ESYT2: variants seen among roughly 807,000 people sequenced by gnomAD.
ESYT2 encodes extended synaptotagmin-2.
In ESYT2, 54 loss-of-function variants were observed where a neutral mutation model predicts 107.2. The ratio of observed to expected loss-of-function variants is 0.50; its 90% CI spans 0.40 to 0.63. The LOEUF (loss-of-function observed/expected upper bound fraction) is 0.63, where lower values mean the gene tolerates loss of function less well. Among genes scored for constraint, ESYT2 ranks in the 30% least tolerant of loss-of-function variants. The pLI, the probability that ESYT2 is intolerant of heterozygous loss-of-function variation, is 0.00. For synonymous variants in ESYT2, 491 were observed against 434.1 expected (o/e 1.13, Z -1.63); for missense variants, 1,020 against 1,094.5 (o/e 0.93, Z 0.96).
At chr7:158,758,988 G>C (rs994486959) in intron 13 of ESYT2, among the ~76,000 whole-genome samples, 7 of 152,290 alleles carry the variant, frequency 4.6e-5, no homozygotes, top group African/African-American at 1.7e-4. Context: ...GCTTCCTTTT[G>C]TTCTGCGAGA....
Position 158,803,104 on chromosome 7 carries a change from A to G in ESYT2, c.331-4032T>C, listed in dbSNP as rs545454870. Among the ~76,000 whole-genome samples, 6 of 149,290 alleles carry G rather than the reference A, an allele frequency of 4.0e-5. No homozygotes were observed. The South Asian group carries it at 1.3e-3, about 32-fold the overall frequency. On this transcript the variant is annotated intron_variant, in intron 1 of 22. Coordinates refer to ENST00000275418, the MANE Select transcript of ESYT2 (RefSeq NM_001367773.1). ...AAGAAGGAATCTGAGTCCCTGGCAC[A>G]GCAATCGAGAGTGTGCCCTGGGGCA...
chr7:158,744,367 GTC>G (rs1241622445), intron 16 of ESYT2: 3 of 152,164 alleles, frequency 2.0e-5, no homozygotes, highest in African/African-American at 7.2e-5. Flanking sequence ...ATAGGCAATA[GTC>G]TACCTGTCTT....
intron 6 of ESYT2, among the ~76,000 whole-genome samples, chr7:158,781,647 G>A (rs1034046788): frequency 1.3e-5 from 2 of 150,640 alleles, no homozygotes; most frequent in African/African-American, 2.4e-5. Context: ...TGAGGTGTGT[G>A]AAAGAACAAG....
intron 1 of ESYT2, among the ~76,000 whole-genome samples, chr7:158,800,029 A>G (rs953872720): frequency 6.7e-6 from 1 of 150,120 alleles, no homozygotes; most frequent in Non-Finnish European, 1.5e-5. Context: ...TGCGTATGAT[A>G]TTTTTAAGAC....
intron 3 of ESYT2, among the ~76,000 whole-genome samples, chr7:158,793,977 A>C (rs1333976137): frequency 6.6e-6 from 1 of 152,226 alleles, no homozygotes; most frequent in Non-Finnish European, 1.5e-5. Flanking sequence ...TGACAAAATA[A>C]ATGTCAAGAC....
intron 6 of ESYT2, among the ~76,000 whole-genome samples, chr7:158,779,056 A>T (rs1160349489): frequency 6.6e-6 from 1 of 152,198 alleles, no homozygotes; most frequent in Non-Finnish European, 1.5e-5. Context: ...TTTGGCAAGT[A>T]AAACCTCCAT....
chr7:158,807,254 G>GAAAAAAAAA (rs372309924), intron 1 of ESYT2, among the ~76,000 whole-genome samples: 1 of 117,232 alleles, frequency 8.5e-6, no homozygotes, highest in Non-Finnish European at 1.7e-5. Flanking sequence ...CCGTCTGAAG[G>GAAAAAAAAA]AAAAAAAAAA....
In ESYT2 at chr7:158,764,741, T is replaced by G. The variant is rs772641366; in HGVS notation, c.1037A>C (p.Asn346Thr). ...SDPYGIIRVG[N>T]QIFQSRVIKE... Reference sequence around the variant, plus strand: ...GATGACTCTGCTTTGGAAGATTTGGTTGCCAACTCTAATGATTCCATAGGG... The same window carrying G: ...GATGACTCTGCTTTGGAAGATTTGGGTGCCAACTCTAATGATTCCATAGGG... Residue 346 changes from asparagine (N) to threonine (T), a missense_variant, in exon 9 of 23, where the codon AAC becomes ACC. Physicochemically the swap from Asn to Thr is moderately conservative, Grantham distance 65. Coordinates refer to ENST00000275418, the MANE Select transcript of ESYT2 (RefSeq NM_001367773.1). The G allele has an allele frequency of 6.2e-7, 1 of 1,614,184 alleles. No homozygotes were observed. The highest frequency in any genetic ancestry group is 8.5e-7 in the Non-Finnish European group (1 of 1,180,022).
chr7:158,756,169 T>C (rs1379045774), intron 13 of ESYT2, among the ~76,000 whole-genome samples: 1 of 152,214 alleles, frequency 6.6e-6, no homozygotes, highest in Non-Finnish European at 1.5e-5. Context: ...TGCAAAGCGC[T>C]ATCACTGCTC....
At chr7:158,822,703 C>T (rs1379987413) in intron 1 of ESYT2, among the ~76,000 whole-genome samples, 2 of 152,046 alleles carry the variant, frequency 1.3e-5, no homozygotes, top group Non-Finnish European at 2.9e-5. Flanking sequence ...CCCAGCCACT[C>T]AGGAGGCTGA....
chr7:158,808,298 C>G (rs770777082), intron 1 of ESYT2, among the ~76,000 whole-genome samples: 1 of 152,222 alleles, frequency 6.6e-6, no homozygotes, highest in Non-Finnish European at 1.5e-5. Flanking sequence ...CTGTCCAGCT[C>G]GAGACACGAG....
At chr7:158,769,668 G>T (rs1838286766) in intron 7 of ESYT2, among the ~76,000 whole-genome samples, 1 of 152,076 alleles carries the variant, frequency 6.6e-6, no homozygotes, top group Non-Finnish European at 1.5e-5. Context: ...AAACATAACG[G>T]ATATTTAATC....
intron 1 of ESYT2, among the ~76,000 whole-genome samples, chr7:158,802,665 A>T (rs776960978): frequency 6.6e-6 from 1 of 152,242 alleles, no homozygotes; most frequent in Non-Finnish European, 1.5e-5. Flanking sequence ...TTCCATTAAC[A>T]TTAGTAACAC....
chr7:158,766,207 A>G (rs1362064491), intron 8 of ESYT2, among the ~76,000 whole-genome samples: 2 of 152,200 alleles, frequency 1.3e-5, no homozygotes, highest in Admixed American at 6.5e-5. Context: ...TCCTCATTCA[A>G]TCAGCACAGG....
At chr7:158,796,058 T>C (rs1285268678) in intron 3 of ESYT2, among the ~76,000 whole-genome samples, 1 of 152,132 alleles carries the variant, frequency 6.6e-6, no homozygotes, top group Non-Finnish European at 1.5e-5. Context: ...AGGTGGCAAA[T>C]ACACAGTGAC....
intron 1 of ESYT2, among the ~76,000 whole-genome samples, chr7:158,825,165 C>A (rs982455314): frequency 1.3e-5 from 2 of 152,106 alleles, no homozygotes; most frequent in African/African-American, 4.8e-5. Context: ...TGGTGACGGG[C>A]GCCTGTACTC....
At chr7:158,799,984 C>G (rs1839583776) in intron 1 of ESYT2, among the ~76,000 whole-genome samples, 1 of 152,112 alleles carries the variant, frequency 6.6e-6, no homozygotes, top group African/African-American at 2.4e-5. Flanking sequence ...GCATGTATAA[C>G]TTACATTAGA....
At chr7:158,774,744 A>G (rs1838490662) in intron 6 of ESYT2, among the ~76,000 whole-genome samples, 1 of 152,234 alleles carries the variant, frequency 6.6e-6, no homozygotes, top group Non-Finnish European at 1.5e-5. Context: ...TCAGGAAGTA[A>G]GAACATATCA....
intron 6 of ESYT2, among the ~76,000 whole-genome samples, chr7:158,785,701 T>C (rs1288572189): frequency 6.6e-6 from 1 of 152,128 alleles, no homozygotes; most frequent in African/African-American, 2.4e-5. Flanking sequence ...GAGAAAGAAC[T>C]AGGAGTGGAA....
Sources: gnomAD v4.1 joint callset for allele counts (sites outside exome capture counted in the v4.1 genomes callset) on GRCh38, gnomAD v4.1.1 for gene constraint, MANE v1.5 for transcripts, NCBI Gene and HGNC (gene_info 2026-07-23, HGNC 2026-07-21) for gene names.